Variants in EPB41 observed in about 807,000 individuals in gnomAD.
EPB41 encodes the protein protein 4.1.
In EPB41, 65 loss-of-function variants were observed where a neutral mutation model predicts 108.0. The observed-to-expected ratio is 0.60, with a 90% CI of 0.49 to 0.74. The LOEUF is 0.74. EPB41 is among the 30% of genes least tolerant of loss of function. The pLI is 0.00. For synonymous variants in EPB41, 336 were observed against 358.9 expected, an observed-to-expected ratio of 0.94 and a Z score of 0.72; for missense variants, 875 against 1,037.0, an observed-to-expected ratio of 0.84 and a Z score of 2.15.
chr1:29,011,489 T>C (rs1236527235), intron 4 of EPB41, among the ~76,000 whole-genome samples: 1 of 152,204 alleles, frequency 6.6e-6, no homozygotes, highest in African/African-American at 2.4e-5. Context: ...TATAGAATAA[T>C]ATAAATAACC....
chr1:29,106,323 C>T (rs890567092), intron 17 of EPB41, among the ~76,000 whole-genome samples: 25 of 152,082 alleles, frequency 1.6e-4, no homozygotes, highest in Non-Finnish European at 3.2e-4. Context: ...AAGCTTTAGC[C>T]CTTCTGGCAT....
At chr1:29,087,243 C>A (rs554787297) in intron 16 of EPB41, among the ~76,000 whole-genome samples, 23 of 151,718 alleles carry the variant, frequency 1.5e-4, no homozygotes, top group African/African-American at 5.3e-4. Flanking sequence ...GCCCAGCCAA[C>A]TGTGGTTCTT....
At chr1:29,059,932 T>G (rs1383455945) in intron 14 of EPB41, among the ~76,000 whole-genome samples, 1 of 152,220 alleles carries the variant, frequency 6.6e-6, no homozygotes, top group Non-Finnish European at 1.5e-5. Context: ...ATAATCTTTC[T>G]TAGATCTTTT....
At chr1:29,107,285 T>G (rs1667531192) in intron 17 of EPB41, among the ~76,000 whole-genome samples, 1 of 152,178 alleles carries the variant, frequency 6.6e-6, no homozygotes, top group Non-Finnish European at 1.5e-5. Context: ...CTGGTTACTG[T>G]CTGAGTGGGG....
intron 1 of EPB41, among the ~76,000 whole-genome samples, chr1:28,894,419 C>G (rs1015040589): frequency 1.3e-5 from 2 of 152,156 alleles, no homozygotes; most frequent in African/African-American, 2.4e-5. Flanking sequence ...TGTGAATTCC[C>G]TATTTGCTCA....
At chr1:29,000,536 C>T (rs1010457420) in intron 4 of EPB41, among the ~76,000 whole-genome samples, 4 of 152,302 alleles carry the variant, frequency 2.6e-5, no homozygotes, top group African/African-American at 7.2e-5. Context: ...AAGAAAAGGG[C>T]ATTATTTCCC....
At chr1:29,026,019 C>G (rs2096714532) in intron 7 of EPB41, among the ~76,000 whole-genome samples, 2 of 152,110 alleles carry the variant, frequency 1.3e-5, no homozygotes, top group Non-Finnish European at 1.5e-5. Context: ...GCTTGATGCA[C>G]AGTGTCAAAG....
At chr1:29,067,222 G>C (rs1348745209) in intron 16 of EPB41, among the ~76,000 whole-genome samples, 1 of 151,256 alleles carries the variant, frequency 6.6e-6, no homozygotes, top group Non-Finnish European at 1.5e-5. Context: ...CCGGGGCCAG[G>C]CACGGTGGCT....
At chr1:29,028,079 C>T (rs962180886) in intron 7 of EPB41, among the ~76,000 whole-genome samples, 2 of 152,154 alleles carry the variant, frequency 1.3e-5, no homozygotes, top group African/African-American at 4.8e-5. Context: ...CTGCCTCGGC[C>T]TCCCAAAGTG....
Position 29,098,287 on chromosome 1 carries a change from C to T in EPB41, c.2313+352C>T, listed in dbSNP as rs562056007. 5.9e-4 allele frequency among the ~76,000 whole-genome samples: 90 copies of T among 151,694 alleles called. No individual in the cohort carries two copies. In the South Asian group the frequency reaches 9.5e-3, roughly 16 times the overall value. ...TCGGCTCACTGCAAGCTCTGCCTCC[C>T]GGGTTCACGCCATTCTCCTGCCTCA... On this transcript the variant is annotated intron_variant, in intron 17 of 20. Coordinates refer to ENST00000343067, the MANE Select transcript of EPB41 (RefSeq NM_001376013.1).
At chr1:29,114,064 C>T (rs1313574235) in intron 19 of EPB41, among the ~76,000 whole-genome samples, 9 of 152,062 alleles carry the variant, frequency 5.9e-5, no homozygotes, top group African/African-American at 1.2e-4. Flanking sequence ...GCCAGGAGAC[C>T]AGAAGAGGGT....
chr1:29,006,732 C>T (rs2096410213), intron 4 of EPB41, among the ~76,000 whole-genome samples: 1 of 151,872 alleles, frequency 6.6e-6, no homozygotes, highest in African/African-American at 2.4e-5. Flanking sequence ...GAAACCCTGT[C>T]CCTACAAATA....
chr1:29,094,258 T>C (rs1411868045), intron 16 of EPB41, among the ~76,000 whole-genome samples: 3 of 152,096 alleles, frequency 2.0e-5, no homozygotes, highest in African/African-American at 7.2e-5. Context: ...TTTTTGTTGT[T>C]GTTGTTTTCT....
intron 1 of EPB41, among the ~76,000 whole-genome samples, chr1:28,957,165 C>G (rs1160636258): frequency 6.6e-6 from 1 of 152,246 alleles, no homozygotes; most frequent in East Asian, 1.9e-4. Context: ...TCTGTCAGAT[C>G]TGGTTTTGGC....
intron 1 of EPB41, among the ~76,000 whole-genome samples, chr1:28,917,405 C>A: frequency 6.6e-6 from 1 of 152,004 alleles, no homozygotes; most frequent in African/African-American, 2.4e-5. Context: ...CTCAGGCTCC[C>A]AAGTAGCTGG....
intron 2 of EPB41, among the ~76,000 whole-genome samples, chr1:28,991,227 T>A (rs977949111): frequency 4.0e-5 from 6 of 149,768 alleles, no homozygotes; most frequent in African/African-American, 1.5e-4. Flanking sequence ...ATAATATATA[T>A]AAATATAGGA....
At chr1:28,986,513 G>A (rs763452513) in intron 1 of EPB41, among the ~76,000 whole-genome samples, 1 of 152,146 alleles carries the variant, frequency 6.6e-6, no homozygotes, top group Non-Finnish European at 1.5e-5. Context: ...ATCAACACTT[G>A]CTTTATAAGT....
chr1:29,106,562 GGA>G (rs2151625130), intron 17 of EPB41, among the ~76,000 whole-genome samples: 1 of 37,868 alleles, frequency 2.6e-5, no homozygotes, highest in Non-Finnish European at 7.7e-5. Context: ...CGAGTAGCTG[GGA>G]TTTTTTTTTT....
At chr1:28,957,954 T>C (rs781708473) in intron 1 of EPB41, among the ~76,000 whole-genome samples, 13 of 152,100 alleles carry the variant, frequency 8.5e-5, no homozygotes, top group Non-Finnish European at 1.8e-4. Context: ...ACCATGGCCA[T>C]GTGTTACTTT....
Sources: allele counts gnomAD v4.1 joint callset (sites outside exome capture counted in the v4.1 genomes callset), GRCh38; gene constraint gnomAD v4.1.1; transcripts MANE v1.5; gene names NCBI Gene and HGNC (gene_info 2026-07-23, HGNC 2026-07-21).